Variants in WWOX observed in about 807,000 individuals in gnomAD.
WWOX encodes the protein WW domain-containing oxidoreductase.
A neutral mutation model predicts 46.2 loss-of-function variants in WWOX; 69 were observed. The observed-to-expected ratio is 1.49, with a 90% confidence interval of 1.23 to 1.82. WWOX has a LOEUF of 1.82. WWOX is among the 40% of genes most tolerant of loss of function. The pLI, the probability that WWOX is intolerant of heterozygous loss-of-function variation, is 0.00. For missense variants in WWOX, 919 were observed against 542.6 expected, an observed-to-expected ratio of 1.69 and a Z score of -6.89; for synonymous variants, 359 against 202.6, an observed-to-expected ratio of 1.77 and a Z score of -6.56.
intron 8 of WWOX, among the ~76,000 whole-genome samples, chr16:78,849,055 C>A (rs543817927): frequency 2.0e-5 from 3 of 152,194 alleles, no homozygotes; most frequent in Non-Finnish European, 4.4e-5. Flanking sequence ...TGGGCATGAT[C>A]ACTGTTGACA....
At chr16:78,760,090 G>T (rs976940393) in intron 8 of WWOX, among the ~76,000 whole-genome samples, 1 of 152,148 alleles carries the variant, frequency 6.6e-6, no homozygotes, top group Non-Finnish European at 1.5e-5. Context: ...TCAACAAAAA[G>T]AGATTTGATG....
intron 5 of WWOX, among the ~76,000 whole-genome samples, chr16:78,307,227 T>G (rs923398348): frequency 1.4e-4 from 22 of 152,216 alleles, no homozygotes; most frequent in Admixed American, 1.4e-3. Context: ...TGCCCGTTCA[T>G]TGCTAGCACA....
intron 5 of WWOX, among the ~76,000 whole-genome samples, chr16:78,259,006 G>C (rs941432822): frequency 6.6e-6 from 1 of 152,094 alleles, no homozygotes; most frequent in African/African-American, 2.4e-5. Flanking sequence ...TACCTCAGAC[G>C]TGCCAAAAAT....
chr16:78,708,672 C>T (rs1241147138), intron 8 of WWOX, among the ~76,000 whole-genome samples: 1 of 152,204 alleles, frequency 6.6e-6, no homozygotes, highest in South Asian at 2.1e-4. Context: ...GGGATTAGAA[C>T]CCAGTGAGTT....
At chr16:79,073,949 A>T (rs188519421) in intron 8 of WWOX, among the ~76,000 whole-genome samples, 1 of 151,924 alleles carries the variant, frequency 6.6e-6, no homozygotes, top group Admixed American at 6.6e-5. Context: ...TTTTTTTAAA[A>T]TCTCTTCTGG....
chr16:78,584,641 T>G (rs992588502), intron 8 of WWOX, among the ~76,000 whole-genome samples: 1 of 152,196 alleles, frequency 6.6e-6, no homozygotes, highest in Admixed American at 6.5e-5. Context: ...CATATTCTGT[T>G]CTATGATACC....
intron 5 of WWOX, among the ~76,000 whole-genome samples, chr16:78,359,615 A>T (rs1337300786): frequency 2.6e-5 from 4 of 152,378 alleles, no homozygotes; most frequent in Admixed American, 2.0e-4. Flanking sequence ...TTTAAAAAAT[A>T]CATTTAACAT....
intron 8 of WWOX, among the ~76,000 whole-genome samples, chr16:78,451,386 C>G (rs1460903923): frequency 6.6e-6 from 1 of 152,120 alleles, no homozygotes; most frequent in African/African-American, 2.4e-5. Flanking sequence ...TTTCCACAGT[C>G]CACTACCAAC....
intron 8 of WWOX, among the ~76,000 whole-genome samples, chr16:78,570,864 C>T (rs181025860): frequency 3.5e-4 from 53 of 152,140 alleles, no homozygotes; most frequent in African/African-American, 1.1e-3. Context: ...TTGGAAAGCA[C>T]GGGCAGGTAA....
intron 8 of WWOX, among the ~76,000 whole-genome samples, chr16:78,657,558 G>A (rs769867477): frequency 1.2e-4 from 18 of 152,162 alleles, no homozygotes; most frequent in Non-Finnish European, 2.5e-4. Context: ...AGTTAAAGAC[G>A]TGACCCTGGC....
rs1224456678 is a variant in WWOX, at chr16:78,264,004, TTTTTTTTTTTTG to T, written c.516+99723_516+99734del. Among the ~76,000 whole-genome samples the T allele has an allele frequency of 2.3e-3, 314 of 139,030 alleles. 16 individuals are homozygous for T. The highest frequency in any genetic ancestry group is 0.019 in the Admixed American group (262 of 13,908). 91.2% of individuals were successfully genotyped at this position (139,030 alleles called of 152,430 possible). A position where few individuals can be genotyped will look rare whatever the true frequency, so the allele number is the denominator to read the frequency against. The stretch of plus-strand genomic sequence containing the variant: ...GTGTTTGGCTGTGAAATCTTTTTTT[TTTTTTTTTTTTG>T]TTTTTTTGCTGTGGAGCGCAAAATG... On this transcript the variant is annotated intron_variant, in intron 5 of 8. Coordinates refer to ENST00000566780, the MANE Select transcript of WWOX (RefSeq NM_016373.4).
At chr16:78,383,653 C>G (rs1289590238) in intron 5 of WWOX, among the ~76,000 whole-genome samples, 1 of 152,100 alleles carries the variant, frequency 6.6e-6, no homozygotes, top group Non-Finnish European at 1.5e-5. Flanking sequence ...TTGCAAACCC[C>G]CAACACACAC....
At chr16:79,147,023 A>T (rs188755416) in intron 8 of WWOX, among the ~76,000 whole-genome samples, 1 of 152,320 alleles carries the variant, frequency 6.6e-6, no homozygotes, top group African/African-American at 2.4e-5. Context: ...TTGCAAAACA[A>T]TTGTGCAATA....
chr16:78,515,561 G>A (rs868753540), intron 8 of WWOX, among the ~76,000 whole-genome samples: 2 of 152,166 alleles, frequency 1.3e-5, no homozygotes, highest in Admixed American at 6.5e-5. Context: ...TTTTAGAAAC[G>A]TCTGGTGGAA....
intron 8 of WWOX, among the ~76,000 whole-genome samples, chr16:79,198,367 A>G (rs1372993962): frequency 6.6e-6 from 1 of 152,152 alleles, no homozygotes; most frequent in African/African-American, 2.4e-5. Context: ...AGAAAAGAGT[A>G]AGATTAAAAA....
intron 5 of WWOX, among the ~76,000 whole-genome samples, chr16:78,317,999 G>T (rs986414166): frequency 2.6e-5 from 4 of 152,136 alleles, no homozygotes; most frequent in African/African-American, 9.7e-5. Context: ...CTGCTGAAAA[G>T]GTTCCACAGT....
chr16:79,019,633 G>A (rs2047491314), intron 8 of WWOX, among the ~76,000 whole-genome samples: 1 of 151,908 alleles, frequency 6.6e-6, no homozygotes, highest in Non-Finnish European at 1.5e-5. Context: ...AGCTCAGGAA[G>A]CAGCTGCATG....
At chr16:78,644,812 G>A (rs753279622) in intron 8 of WWOX, among the ~76,000 whole-genome samples, 1 of 152,180 alleles carries the variant, frequency 6.6e-6, no homozygotes, top group Non-Finnish European at 1.5e-5. Context: ...ACTATTATGA[G>A]TCAGGCTTAA....
intron 4 of WWOX, among the ~76,000 whole-genome samples, chr16:78,156,794 C>T (rs1306195722): frequency 1.3e-5 from 2 of 152,080 alleles, no homozygotes; most frequent in South Asian, 2.1e-4. Flanking sequence ...TGTGGTGGCA[C>T]GCGCCTGTAA....
Sources: gnomAD v4.1 joint callset for allele counts (sites outside exome capture counted in the v4.1 genomes callset) on GRCh38, gnomAD v4.1.1 for gene constraint, MANE v1.5 for transcripts, NCBI Gene and HGNC (gene_info 2026-07-23, HGNC 2026-07-21) for gene names.